The following ASB11 variants were observed in gnomAD, a reference collection of about 807,000 sequenced individuals.
ASB11 encodes the protein ankyrin repeat and SOCS box protein 11.
A neutral mutation model predicts 20.1 loss-of-function variants in ASB11; 17 were observed. The ratio of observed to expected loss-of-function variants is 0.85; its 90% CI spans 0.58 to 1.27. The LOEUF (loss-of-function observed/expected upper bound fraction) is 1.27, where lower values mean the gene tolerates loss of function less well. Ranked by LOEUF, ASB11 falls within the 50% of genes most tolerant of loss-of-function variation. The probability of loss-of-function intolerance (pLI) is 0.00; values close to 1 mark genes in which losing one functional copy is unlikely to be tolerated. For missense variants in ASB11, 259 were observed against 256.9 expected, an observed-to-expected ratio of 1.01 and a Z score of -0.06; for synonymous variants, 107 against 105.6, an observed-to-expected ratio of 1.01 and a Z score of -0.08.
At chrX:15,297,405 G>A (rs765661219) in intron 3 of ASB11, among the ~76,000 whole-genome samples, 169 bp downstream of exon 3, 10 of 112,016 alleles carry the variant, frequency 8.9e-5, no homozygotes, top group East Asian at 2.8e-4. Flanking sequence ...TTACACACAG[G>A]GGGGTAAGTT....
chrX:15,314,584 A>G lies in ASB11; in HGVS notation c.181+841T>C, dbSNP rs1921554569. 6.1e-6 allele frequency: 6 copies of G among 979,488 alleles called. No individual in the cohort carries two copies. In the South Asian group the frequency reaches 2.6e-4, roughly 42 times the overall value. 80.7% of individuals were successfully genotyped at this position (979,488 alleles called of 1,213,427 possible). Reference sequence around the variant, plus strand: ...TAGTGTATTGGAATCACATAAGACTATTTTGAAAGAGAATCCTGGATGCAA... The same window carrying G: ...TAGTGTATTGGAATCACATAAGACTGTTTTGAAAGAGAATCCTGGATGCAA... On this transcript the variant is annotated intron_variant, in intron 1 of 6. Coordinates refer to ENST00000480796, the MANE Select transcript of ASB11 (RefSeq NM_080873.3).
intron 1 of ASB11, among the ~76,000 whole-genome samples, chrX:15,303,912 G>T (rs928039421): frequency 1.8e-5 from 2 of 112,276 alleles, no homozygotes; most frequent in Admixed American, 1.9e-4. Context: ...TCTTATAATT[G>T]CTTATCTGCA....
intron 6 of ASB11, among the ~76,000 whole-genome samples, chrX:15,283,988 C>G (rs919770427): frequency 9.0e-6 from 1 of 110,984 alleles, no homozygotes; most frequent in South Asian, 3.8e-4. Flanking sequence ...CACGGTGGCT[C>G]ACGCCTGTAA....
intron 2 of ASB11, among the ~76,000 whole-genome samples, chrX:15,301,516 G>C (rs914464384): frequency 2.7e-5 from 3 of 109,578 alleles, no homozygotes; most frequent in Non-Finnish European, 5.7e-5. Flanking sequence ...CACACAGACA[G>C]AGAGAGAGAG....
chrX:15,307,559 T>A (rs1009774533), intron 1 of ASB11, among the ~76,000 whole-genome samples: 1 of 112,182 alleles, frequency 8.9e-6, no homozygotes. Flanking sequence ...GCTCAAGCAG[T>A]AATGTCCCTC....
intron 1 of ASB11, among the ~76,000 whole-genome samples, chrX:15,306,548 T>A (rs771153168): frequency 1.8e-5 from 2 of 109,662 alleles, no homozygotes; most frequent in African/African-American, 6.7e-5. Flanking sequence ...ACTAAAAATA[T>A]AAAAATTAGC....
intron 4 of ASB11, 115 bp from the exon 5 acceptor site, chrX:15,289,753 G>C: frequency 1.1e-6 from 1 of 880,406 alleles, no homozygotes; most frequent in African/African-American, 2.0e-5. Context: ...GCCGGGTGTG[G>C]TGGCTCACGC....
Position 15,282,236 on chromosome X carries a change from A to C in ASB11, c.*1269T>G, listed in dbSNP as rs1927204466. Reference sequence around the variant, plus strand: ...GTGAAATGAGTCTTAGGATGATCTGAGAGGGAATTTTCATTTTAGAACTGA... The same window carrying C: ...GTGAAATGAGTCTTAGGATGATCTGCGAGGGAATTTTCATTTTAGAACTGA... On this transcript the variant is annotated 3_prime_UTR_variant, in exon 7 of 7. Coordinates refer to ENST00000480796, the MANE Select transcript of ASB11 (RefSeq NM_080873.3). 1 of 111,619 alleles carries C rather than the reference A, an allele frequency of 9.0e-6. No individual in the cohort carries two copies. Among genetic ancestry groups the C allele is most frequent in the South Asian group, 3.8e-4 (1 of 2,642 alleles). The allele number at this position is 111,619 out of a possible 1,213,427, so 9.2% of individuals were successfully genotyped here.
At chrX:15,301,116 C>T (rs1037742612) in intron 2 of ASB11, among the ~76,000 whole-genome samples, 1 of 110,878 alleles carries the variant, frequency 9.0e-6, no homozygotes, top group Non-Finnish European at 1.9e-5. Flanking sequence ...GCGCCCACCA[C>T]CACGCCTGGC....
At chrX:15,309,594 GA>G (rs1921354810) in intron 1 of ASB11, among the ~76,000 whole-genome samples, 1 of 110,823 alleles carries the variant, frequency 9.0e-6, no homozygotes, top group Admixed American at 9.7e-5. Flanking sequence ...TGTCTTCCAT[GA>G]AACCAGTCCC....
At chrX:15,299,901 G>T (rs967535616) in intron 2 of ASB11, among the ~76,000 whole-genome samples, 3 of 111,066 alleles carry the variant, frequency 2.7e-5, no homozygotes, top group African/African-American at 9.8e-5. Context: ...ACCATCTCCT[G>T]CCAGATCTCT....
rs1322311720 is a variant in ASB11, at chrX:15,281,960, T to C, written c.*1545A>G. 2.7e-5 allele frequency: 3 copies of C among 112,114 alleles called. No individual in the cohort carries two copies. Among genetic ancestry groups the C allele is most frequent in the Non-Finnish European group, 5.6e-5 (3 of 53,381 alleles). 9.2% of individuals were successfully genotyped at this position (112,114 alleles called of 1,213,427 possible). A position where few individuals can be genotyped will look rare whatever the true frequency, so the allele number is the denominator to read the frequency against. ...ATCTGCCTGCCTCGGCCTCCCAAAA[T>C]GCTGGGATTACAGGCGTGAGCCACC... On this transcript the variant is annotated 3_prime_UTR_variant, in exon 7 of 7. Transcript: ENST00000480796.
intron 1 of ASB11, among the ~76,000 whole-genome samples, chrX:15,304,419 A>G (rs1602195859): frequency 8.9e-6 from 1 of 112,766 alleles, no homozygotes; most frequent in East Asian, 2.8e-4. Context: ...TGTGATTTTC[A>G]ATATATCTAG....
intron 6 of ASB11, among the ~76,000 whole-genome samples, chrX:15,285,562 T>C (rs983857787): frequency 1.8e-5 from 2 of 111,730 alleles, no homozygotes; most frequent in Non-Finnish European, 3.8e-5. Context: ...TGGAAGAAAA[T>C]AGGAAATGTG....
intron 1 of ASB11, among the ~76,000 whole-genome samples, chrX:15,313,604 C>T (rs180991004): frequency 3.2e-4 from 36 of 111,595 alleles, no homozygotes; most frequent in African/African-American, 1.1e-3. Context: ...ATGCTACTTG[C>T]AAATTAACCT....
At chrX:15,309,259 C>T (rs1921344202) in intron 1 of ASB11, among the ~76,000 whole-genome samples, 1 of 109,087 alleles carries the variant, frequency 9.2e-6, no homozygotes, top group Non-Finnish European at 1.9e-5. Context: ...CTTGCATTAC[C>T]TCCTGAGCTC....
At chrX:15,303,504 G>A (rs1441661334) in intron 1 of ASB11, among the ~76,000 whole-genome samples, 1 of 111,691 alleles carries the variant, frequency 9.0e-6, no homozygotes, top group Non-Finnish European at 1.9e-5. Flanking sequence ...AATTTTATCT[G>A]CTTCATTTGA....
intron 6 of ASB11, among the ~76,000 whole-genome samples, chrX:15,285,176 C>T (rs1174674087): frequency 1.0e-5 from 1 of 97,478 alleles, no homozygotes; most frequent in East Asian, 3.1e-4. Context: ...GAATCTCACT[C>T]GGTCGCCCAG....
At chrX:15,295,681 T>C (rs1349592667) in intron 3 of ASB11, among the ~76,000 whole-genome samples, 2 of 112,473 alleles carry the variant, frequency 1.8e-5, no homozygotes, top group African/African-American at 3.2e-5. Flanking sequence ...CTTTCTCTTA[T>C]TTCGTTTCTC....
Sources: allele counts gnomAD v4.1 joint callset (sites outside exome capture counted in the v4.1 genomes callset), GRCh38; gene constraint gnomAD v4.1.1; transcripts MANE v1.5; gene names NCBI Gene and HGNC (gene_info 2026-07-23, HGNC 2026-07-21).